Variants in ZNF469 observed in about 807,000 individuals in gnomAD.
The protein encoded by ZNF469 is zinc finger protein 469.
Under a neutral mutation model 1.0 loss-of-function variants are expected in ZNF469, and 1 was observed. The ratio of observed to expected loss-of-function variants is 1.00; its 90% CI spans 0.35 to 4.73. ZNF469 has a LOEUF of 4.73. ZNF469 is among the 30% of genes most tolerant of loss of function. The probability of loss-of-function intolerance (pLI) is 0.16; values close to 1 mark genes in which losing one functional copy is unlikely to be tolerated. For synonymous variants in ZNF469, 2,703 were observed against 2,363.4 expected (o/e 1.14, Z -4.17); for missense variants, 6,100 against 5,356.3 (o/e 1.14, Z -4.33).
At chr16:88,291,988 G>T in the ZNF469 span, among the ~76,000 whole-genome samples, 4 of 152,216 alleles carry the variant, frequency 2.6e-5, no homozygotes, top group Admixed American at 2.6e-4. Context: ...CCGAAGGTAT[G>T]AGGCACATAT....
At chr16:88,306,290 C>T in the ZNF469 span, among the ~76,000 whole-genome samples, 9 of 152,368 alleles carry the variant, frequency 5.9e-5, no homozygotes, top group East Asian at 7.7e-4. Context: ...AGGTGCTGTC[C>T]GCATCTCCTT....
the ZNF469 span, among the ~76,000 whole-genome samples, chr16:88,209,917 G>A: frequency 6.6e-6 from 1 of 152,120 alleles, no homozygotes; most frequent in African/African-American, 2.4e-5. Flanking sequence ...TGTTGTAAGA[G>A]TATCTTCAGA....
chr16:88,248,264 T>C, the ZNF469 span, among the ~76,000 whole-genome samples: 1 of 152,192 alleles, frequency 6.6e-6, no homozygotes, highest in Non-Finnish European at 1.5e-5. Context: ...GTGGAAATTA[T>C]CAAGAAAAAT....
chr16:88,251,580 A>G, the ZNF469 span, among the ~76,000 whole-genome samples: 43 of 54,460 alleles, frequency 7.9e-4, no homozygotes, highest in Non-Finnish European at 1.4e-3. Flanking sequence ...TTTTTTTGAG[A>G]TGGAGACTTG....
the ZNF469 span, among the ~76,000 whole-genome samples, chr16:88,319,684 G>A: frequency 2.6e-5 from 4 of 152,138 alleles, no homozygotes; most frequent in Admixed American, 6.5e-5. Context: ...TCTGTGGGTC[G>A]TGCAAACTCG....
the ZNF469 span, among the ~76,000 whole-genome samples, chr16:88,165,186 T>C: frequency 0.82 from 125,545 of 152,218 alleles, 52,232 homozygotes; most frequent in African/African-American, 0.86. Context: ...CCCAGCAGGG[T>C]CTGTCTGGCA....
the ZNF469 span, among the ~76,000 whole-genome samples, chr16:88,256,498 A>G: frequency 6.6e-6 from 1 of 152,266 alleles, no homozygotes; most frequent in South Asian, 2.1e-4. Context: ...CACAGTGAAT[A>G]AAGCTGCTAT....
the ZNF469 span, among the ~76,000 whole-genome samples, chr16:88,163,175 C>T: frequency 4.0e-4 from 10 of 25,190 alleles, no homozygotes; most frequent in African/African-American, 1.2e-3. Context: ...GATGGGTAGA[C>T]GGATGGATGG....
At chr16:88,161,002 G>A in the ZNF469 span, among the ~76,000 whole-genome samples, 2 of 151,972 alleles carry the variant, frequency 1.3e-5, no homozygotes, top group Non-Finnish European at 2.9e-5. Flanking sequence ...AAAATTAGCT[G>A]GGCACTAAAA....
intron 1 of ZNF469, among the ~76,000 whole-genome samples, chr16:88,417,464 A>G (rs1905334342): frequency 6.6e-6 from 1 of 152,194 alleles, no homozygotes; most frequent in South Asian, 2.1e-4. Flanking sequence ...GAGCCGTCTC[A>G]GCCTTGGGAT....
the ZNF469 span, among the ~76,000 whole-genome samples, chr16:88,206,142 A>G: frequency 6.6e-6 from 1 of 152,300 alleles, no homozygotes; most frequent in Admixed American, 6.5e-5. Context: ...GCTTTAGGAA[A>G]AGCTGAGCTG....
intron 1 of ZNF469, among the ~76,000 whole-genome samples, chr16:88,402,461 G>A (rs1904909679): frequency 6.6e-6 from 1 of 152,106 alleles, no homozygotes; most frequent in African/African-American, 2.4e-5. Context: ...GAGACAGTCT[G>A]GGGGCACCAG....
At chr16:88,110,262 G>A in the ZNF469 span, among the ~76,000 whole-genome samples, 2 of 152,194 alleles carry the variant, frequency 1.3e-5, no homozygotes, top group Admixed American at 1.3e-4. Context: ...CGCCTCCTGG[G>A]CTTCTGATTC....
chr16:88,381,191 C>G (rs539024253), upstream of ZNF469, among the ~76,000 whole-genome samples: 8 of 127,972 alleles, frequency 6.3e-5, no homozygotes, highest in East Asian at 5.3e-4. Context: ...TGCACTCACA[C>G]ACATGCATTC....
the ZNF469 span, among the ~76,000 whole-genome samples, chr16:88,154,827 C>T: frequency 4.4e-4 from 67 of 152,266 alleles, no homozygotes; most frequent in South Asian, 7.5e-3. Flanking sequence ...GTGGCACGGA[C>T]GGGATTTAAG....
At chr16:88,315,541 A>G in the ZNF469 span, among the ~76,000 whole-genome samples, 1 of 152,292 alleles carries the variant, frequency 6.6e-6, no homozygotes, top group South Asian at 2.1e-4. Context: ...CATGGTGACC[A>G]AGGGCGTGGC....
intron 1 of ZNF469, among the ~76,000 whole-genome samples, chr16:88,394,066 C>T (rs978174977): frequency 7.6e-5 from 10 of 130,748 alleles, no homozygotes; most frequent in South Asian, 2.5e-4. Flanking sequence ...TCTACACCTG[C>T]GCTGCCTGAG....
At chr16:88,173,321 A>G in the ZNF469 span, among the ~76,000 whole-genome samples, 1 of 152,238 alleles carries the variant, frequency 6.6e-6, no homozygotes, top group Non-Finnish European at 1.5e-5. Flanking sequence ...AGACATCTGT[A>G]ATATGCTAAG....
At chr16:88,403,031 G>A (rs982488836) in intron 1 of ZNF469, among the ~76,000 whole-genome samples, 2 of 152,220 alleles carry the variant, frequency 1.3e-5, no homozygotes, top group African/African-American at 2.4e-5. Context: ...TGGACGCGTG[G>A]GAGACATGGT....
Sources: gnomAD v4.1 joint callset for allele counts (sites outside exome capture counted in the v4.1 genomes callset) on GRCh38, gnomAD v4.1.1 for gene constraint, MANE v1.5 for transcripts, NCBI Gene and HGNC (gene_info 2026-07-23, HGNC 2026-07-21) for gene names.